The following FRMD5 variants were observed in gnomAD, a reference collection of about 807,000 sequenced individuals.
The protein encoded by FRMD5 is FERM domain-containing protein 5.
Under a neutral mutation model 69.0 loss-of-function variants are expected in FRMD5, and 20 were observed. That is an observed-to-expected ratio of 0.29 (90% confidence interval 0.20 to 0.42). The LOEUF (loss-of-function observed/expected upper bound fraction) is 0.42. Among genes scored for constraint, FRMD5 ranks in the 10% least tolerant of loss-of-function variants. The probability of loss-of-function intolerance (pLI) is 1.00; values close to 1 mark genes in which losing one functional copy is unlikely to be tolerated. For missense variants in FRMD5, 595 were observed against 708.6 expected (o/e 0.84, Z 1.82); for synonymous variants, 271 against 260.1 (o/e 1.04, Z -0.40).
intron 1 of FRMD5, among the ~76,000 whole-genome samples, chr15:44,156,440 A>G (rs2077529810): frequency 6.6e-6 from 1 of 152,154 alleles, no homozygotes; most frequent in Non-Finnish European, 1.5e-5. Flanking sequence ...CACCTTGCCC[A>G]GCCCGTATAA....
chr15:43,976,741 A>T (rs1229047157), intron 1 of FRMD5, among the ~76,000 whole-genome samples: 1 of 152,096 alleles, frequency 6.6e-6, no homozygotes, highest in African/African-American at 2.4e-5. Flanking sequence ...ATCTCGGCTC[A>T]CTGCAACCTC....
intron 7 of FRMD5, among the ~76,000 whole-genome samples, chr15:43,898,136 A>G (rs1456058745): frequency 6.6e-6 from 1 of 152,222 alleles, no homozygotes; most frequent in African/African-American, 2.4e-5. Context: ...TTTCTGTGTC[A>G]GAATTGGCAA....
chr15:43,988,953 C>T (rs1354925929), intron 1 of FRMD5: 7 of 596,874 alleles, frequency 1.2e-5, no homozygotes, highest in Non-Finnish European at 2.2e-5. Flanking sequence ...TCGAGCCAAA[C>T]AAAACAAAAC....
intron 1 of FRMD5, among the ~76,000 whole-genome samples, chr15:44,034,616 A>C (rs1467733536): frequency 6.6e-6 from 1 of 152,206 alleles, no homozygotes; most frequent in Non-Finnish European, 1.5e-5. Flanking sequence ...TATCTTAGGA[A>C]AATATTTCCC....
intron 1 of FRMD5, among the ~76,000 whole-genome samples, chr15:44,022,107 A>G (rs1891233568): frequency 6.6e-6 from 1 of 152,200 alleles, no homozygotes; most frequent in Non-Finnish European, 1.5e-5. Context: ...CAGAAAGTAG[A>G]AGAGTGGTTA....
chr15:44,084,226 C>T (rs879116646), intron 1 of FRMD5, among the ~76,000 whole-genome samples: 2 of 152,064 alleles, frequency 1.3e-5, no homozygotes, highest in African/African-American at 4.8e-5. Context: ...TGATAACACA[C>T]CTATCTTTAC....
At chr15:44,179,746 T>C (rs1427761865) in intron 1 of FRMD5, among the ~76,000 whole-genome samples, 1 of 152,190 alleles carries the variant, frequency 6.6e-6, no homozygotes. Context: ...TATTTGTGCC[T>C]CCTCATTTGG....
intron 1 of FRMD5, among the ~76,000 whole-genome samples, chr15:44,093,391 G>T (rs2076503292): frequency 2.0e-5 from 3 of 151,792 alleles, no homozygotes; most frequent in Admixed American, 2.0e-4. Flanking sequence ...GAAAGGGAAG[G>T]GCATGAAGCA....
At chr15:44,154,148 C>T (rs1348539906) in intron 1 of FRMD5, among the ~76,000 whole-genome samples, 1 of 152,044 alleles carries the variant, frequency 6.6e-6, no homozygotes, top group East Asian at 1.9e-4. Context: ...ATGGCAATTA[C>T]CCCATCTCTA....
At position 43,874,136 on chromosome 15, in the gene FRMD5, C is replaced by T. The variant is rs748550765; in HGVS notation, c.1462G>A (p.Gly488Arg). ...TTATTCACCTGTTCCTCCTCGGGCC[C>T]GCTGTGCCCCTGACACAGGGCCCTC... ...ELRALCQGHSGPEEEQVNKFV... is the reference protein window; with the variant it reads ...ELRALCQGHSRPEEEQVNKFV... The change falls in exon 14 of 14, where the codon GGG becomes AGG. Residue 488 changes from glycine (G) to arginine (R), a missense_variant. Around this residue, in one of 5 missense-constraint regions of FRMD5, gnomAD observed 245 missense variants for 227.1 expected, o/e 1.08. Coordinates refer to ENST00000417257, the MANE Select transcript of FRMD5 (RefSeq NM_032892.5). The T allele has an allele frequency of 2.4e-5, 38 of 1,614,110 alleles. 1 individual carries two copies. Among genetic ancestry groups the T allele is most frequent in the South Asian group, 2.3e-4 (21 of 91,094 alleles).
intron 1 of FRMD5, among the ~76,000 whole-genome samples, chr15:44,033,312 T>C (rs1164367771): frequency 6.6e-6 from 1 of 152,072 alleles, no homozygotes. Flanking sequence ...ATCTGGGTGA[T>C]GAAATAATAT....
At chr15:44,061,071 T>C (rs1198944917) in intron 1 of FRMD5, among the ~76,000 whole-genome samples, 1 of 152,200 alleles carries the variant, frequency 6.6e-6, no homozygotes, top group East Asian at 1.9e-4. Flanking sequence ...TTTGATTAGC[T>C]CAGAAGAGTA....
chr15:44,116,421 C>T (rs1234359398), intron 1 of FRMD5, among the ~76,000 whole-genome samples: 7 of 152,020 alleles, frequency 4.6e-5, no homozygotes, highest in Non-Finnish European at 8.8e-5. Flanking sequence ...ACACCCAGCT[C>T]CAAATATATT....
intron 1 of FRMD5, among the ~76,000 whole-genome samples, chr15:44,099,860 C>T (rs2076611509): frequency 6.6e-6 from 1 of 152,054 alleles, no homozygotes; most frequent in Admixed American, 6.5e-5. Context: ...TCCACAACAT[C>T]TAAAAAGATA....
chr15:44,088,657 C>T (rs929328075), intron 1 of FRMD5, among the ~76,000 whole-genome samples: 1 of 152,158 alleles, frequency 6.6e-6, no homozygotes, highest in Non-Finnish European at 1.5e-5. Context: ...GAAAACAATA[C>T]TGGAGGCTAT....
At chr15:43,998,719 A>T (rs1890048492) in intron 1 of FRMD5, among the ~76,000 whole-genome samples, 1 of 152,252 alleles carries the variant, frequency 6.6e-6, no homozygotes, top group Non-Finnish European at 1.5e-5. Context: ...TATCCCTGGC[A>T]GCACAGCTGC....
In FRMD5 at chr15:43,971,236, C is replaced by T. The variant is rs184932689; in HGVS notation, c.103-46927G>A. The stretch of plus-strand genomic sequence containing the variant: ...GCCTGGTGACAGAGTATGACTCCAC[C>T]TCACAAAAAAACAAAAAACAAAAAA... On this transcript the variant is annotated intron_variant, in intron 1 of 13. Transcript: ENST00000417257. 2.7e-5 allele frequency among the ~76,000 whole-genome samples: 4 copies of T among 150,590 alleles called. No homozygotes were observed. The East Asian group carries it at 7.9e-4, about 30-fold the overall frequency.
chr15:44,161,641 T>C (rs1228007781), intron 1 of FRMD5, among the ~76,000 whole-genome samples: 1 of 152,220 alleles, frequency 6.6e-6, no homozygotes, highest in Non-Finnish European at 1.5e-5. Flanking sequence ...ATTACTACCA[T>C]TGGTAGTTTT....
intron 3 of FRMD5, 82 bp downstream of exon 3, chr15:43,919,685 G>T: frequency 6.8e-7 from 1 of 1,478,340 alleles, no homozygotes. Flanking sequence ...TATATATGTA[G>T]ATCAAAACTT....
Sources: allele counts gnomAD v4.1 joint callset (sites outside exome capture counted in the v4.1 genomes callset), GRCh38; gene constraint gnomAD v4.1.1; regional missense constraint gnomAD v4.1.1; transcripts MANE v1.5; gene names NCBI Gene and HGNC (gene_info 2026-07-23, HGNC 2026-07-21).